The following CST8 variants were observed in gnomAD, a reference collection of about 807,000 sequenced individuals.
The protein encoded by CST8 is cystatin 8.
A neutral mutation model predicts 11.8 loss-of-function variants in CST8; 20 were observed. The ratio of observed to expected loss-of-function variants is 1.70; its 90% confidence interval spans 1.20 to 2.47. CST8 has a LOEUF of 2.47. Among genes scored for constraint, CST8 ranks in the 30% most tolerant of loss-of-function variants. The pLI, the probability that CST8 is intolerant of heterozygous loss-of-function variation, is 0.00. For synonymous variants in CST8, 77 were observed against 63.1 expected (o/e 1.22, Z -1.05); for missense variants, 196 against 167.2 (o/e 1.17, Z -0.95).
chr20:23,505,139 CTT>C, the CST8 span, among the ~76,000 whole-genome samples: 611 of 82,014 alleles, frequency 7.4e-3, 6 homozygotes, highest in Admixed American at 0.042. Context: ...AAGAAGCATT[CTT>C]TTTTTTTTTT....
the CST8 span, among the ~76,000 whole-genome samples, chr20:23,506,422 A>G: frequency 6.6e-6 from 1 of 152,206 alleles, no homozygotes; most frequent in African/African-American, 2.4e-5. Flanking sequence ...ATAGAAAAGC[A>G]TGGTTTGAAG....
chr20:23,503,119 A>T, the CST8 span, among the ~76,000 whole-genome samples: 2 of 152,228 alleles, frequency 1.3e-5, no homozygotes, highest in East Asian at 1.9e-4. Flanking sequence ...ATGAACAGTT[A>T]ATAAACTTTA....
intron 3 of CST8, 71 bp downstream of exon 3, chr20:23,493,142 A>C (rs921049826): frequency 1.1e-4 from 102 of 960,608 alleles, no homozygotes; most frequent in Admixed American, 2.2e-4. Context: ...TGAGGCACGC[A>C]GACCTTCTCT....
chr20:23,497,691 A>G (rs1988083935), downstream of CST8, among the ~76,000 whole-genome samples: 1 of 152,208 alleles, frequency 6.6e-6, no homozygotes, highest in South Asian at 2.1e-4. Context: ...CATGTCTTAC[A>G]TGGTGGCAGG....
chr20:23,492,367 G>C (rs967481067), intron 2 of CST8, among the ~76,000 whole-genome samples: 3 of 152,246 alleles, frequency 2.0e-5, no homozygotes, highest in Non-Finnish European at 4.4e-5. Context: ...CTAATGTCCT[G>C]CTATAAACCT....
chr20:23,499,259 T>G (rs544445352), downstream of CST8, among the ~76,000 whole-genome samples: 6 of 152,290 alleles, frequency 3.9e-5, no homozygotes, highest in South Asian at 8.3e-4. Flanking sequence ...TATTAAAATT[T>G]TATTTAATTT....
At chr20:23,503,099 A>G in the CST8 span, among the ~76,000 whole-genome samples, 1 of 152,244 alleles carries the variant, frequency 6.6e-6, no homozygotes, top group African/African-American at 2.4e-5. Context: ...TGAAAAAAAT[A>G]CCAGGGTAAA....
Position 23,491,701 on chromosome 20 carries a change from C to T in CST8, c.34C>T (p.Leu12Phe). ...GTGCCGGTGGCTCTCCCTGATCCTC[C>T]TCACCATTCCCCTGGCCCTGGTGGC... ...PRCRWLSLIL[L>F]TIPLALVARK... Residue 12 changes from leucine to phenylalanine, a missense_variant, in exon 2 of 4, where the codon CTC becomes TTC. Leu to Phe is a conservative substitution (Grantham distance 22, BLOSUM62 0). Transcript: ENST00000246012. 1.2e-6 allele frequency: 2 copies of T among 1,614,028 alleles called. No individual in the cohort carries two copies. The highest frequency in any genetic ancestry group is 1.7e-6 in the Non-Finnish European group (2 of 1,179,934).
At chr20:23,500,966 C>T (rs928471905), downstream of CST8, among the ~76,000 whole-genome samples, 8 of 152,184 alleles carry the variant, frequency 5.3e-5, no homozygotes, top group South Asian at 4.1e-4. Context: ...CATTTTGGAA[C>T]GTTACTTAAC....
At chr20:23,494,169 C>T (rs1055903138) in intron 3 of CST8, among the ~76,000 whole-genome samples, 1 of 152,192 alleles carries the variant, frequency 6.6e-6, no homozygotes, top group Non-Finnish European at 1.5e-5. Flanking sequence ...CGAATGCTAT[C>T]TGATCTTTTA....
Position 23,491,833 on chromosome 20 carries a change from T to C in CST8, c.166T>C (p.Tyr56His), listed in dbSNP as rs749909743. 6.2e-7 allele frequency: 1 copy of C among 1,614,086 alleles called. No homozygotes were observed. The highest frequency in any genetic ancestry group is 1.1e-5 in the South Asian group (1 of 91,084). ...GTGTCTGTGGTTTGCCATGCAAGAA[T>C]ACAACAAAGAGAGCGAGGACAAGTA... ...KQCLWFAMQE[Y>H]NKESEDKYVF... The change falls in exon 2 of 4, where the codon TAC becomes CAC. Residue 56 changes from tyrosine to histidine, a missense_variant. Physicochemically the swap from Tyr to His is moderately conservative, Grantham distance 83 (BLOSUM62 2). Coordinates refer to ENST00000246012, the MANE Select transcript of CST8 (RefSeq NM_005492.4).
chr20:23,494,871 C>T (rs971751830), intron 3 of CST8, among the ~76,000 whole-genome samples: 4 of 152,202 alleles, frequency 2.6e-5, no homozygotes, highest in Non-Finnish European at 2.9e-5. Flanking sequence ...TATGTAAATT[C>T]GTGTCACAGG....
chr20:23,492,660 A>G (rs1015414808), intron 2 of CST8, among the ~76,000 whole-genome samples: 4 of 152,156 alleles, frequency 2.6e-5, no homozygotes, highest in Admixed American at 6.5e-5. Context: ...AGCATGCAGC[A>G]TGCCCTGGGC....
the CST8 span, among the ~76,000 whole-genome samples, chr20:23,504,253 G>A: frequency 6.6e-6 from 1 of 152,120 alleles, no homozygotes; most frequent in Non-Finnish European, 1.5e-5. Context: ...CCATGTGCCG[G>A]ACACCATTAT....
chr20:23,499,191 A>T (rs777443387), downstream of CST8, among the ~76,000 whole-genome samples: 10 of 152,132 alleles, frequency 6.6e-5, no homozygotes, highest in Non-Finnish European at 1.5e-4. Context: ...AGGCCTAGAG[A>T]CACATCACAT....
the CST8 span, among the ~76,000 whole-genome samples, chr20:23,501,028 C>T: frequency 1.3e-5 from 2 of 152,286 alleles, no homozygotes; most frequent in South Asian, 2.1e-4. Flanking sequence ...CTGTTTGACT[C>T]GGTCTTTGTT....
downstream of CST8, among the ~76,000 whole-genome samples, chr20:23,500,971 C>G (rs1450735392): frequency 6.6e-6 from 1 of 152,190 alleles, no homozygotes; most frequent in Non-Finnish European, 1.5e-5. Context: ...TGGAACGTTA[C>G]TTAACAGGCC....
At chr20:23,500,020 G>GAA (rs1491058392), downstream of CST8, among the ~76,000 whole-genome samples, 1 of 151,564 alleles carries the variant, frequency 6.6e-6, no homozygotes, top group Non-Finnish European at 1.5e-5. Context: ...GAGAGAGAGA[G>GAA]AAACAGAGAG....
the CST8 span, among the ~76,000 whole-genome samples, chr20:23,503,141 T>A: frequency 6.6e-6 from 1 of 152,122 alleles, no homozygotes; most frequent in South Asian, 2.1e-4. Flanking sequence ...CAGTAAGTGA[T>A]AGTAGAATGG....
Sources: allele counts gnomAD v4.1 joint callset (sites outside exome capture counted in the v4.1 genomes callset), GRCh38; gene constraint gnomAD v4.1.1; transcripts MANE v1.5; gene names NCBI Gene and HGNC (gene_info 2026-07-23, HGNC 2026-07-21).